The following FAR2 variants were observed in gnomAD, a reference collection of about 807,000 sequenced individuals.
FAR2 encodes the protein fatty acyl-CoA reductase 2, also known as epididymis secretory protein Li 81.
FAR2 carries 19 observed loss-of-function variants against 56.0 expected under a neutral mutation model. The ratio of observed to expected loss-of-function variants is 0.34; its 90% confidence interval spans 0.24 to 0.50. FAR2 has a LOEUF of 0.50. Among genes scored for constraint, FAR2 ranks in the 20% least tolerant of loss-of-function variants. The probability of loss-of-function intolerance (pLI) is 0.98; values close to 1 mark genes in which losing one functional copy is unlikely to be tolerated. For synonymous variants in FAR2, 219 were observed against 218.8 expected (o/e 1.00, Z -0.01); for missense variants, 508 against 642.2 (o/e 0.79, Z 2.26).
intron 1 of FAR2, among the ~76,000 whole-genome samples, chr12:29,221,827 G>C (rs1947695958): frequency 6.6e-6 from 1 of 152,088 alleles, no homozygotes; most frequent in Non-Finnish European, 1.5e-5. Flanking sequence ...ATGCTGCTCA[G>C]AGAATTGCTT....
At chr12:29,290,380 A>G (rs1037808968) in intron 2 of FAR2, among the ~76,000 whole-genome samples, 6 of 152,062 alleles carry the variant, frequency 3.9e-5, no homozygotes, top group African/African-American at 1.4e-4. Context: ...CAGAAGGTGA[A>G]GGTTGTAGTG....
At chr12:29,233,547 G>A (rs1947891776) in intron 1 of FAR2, among the ~76,000 whole-genome samples, 1 of 152,162 alleles carries the variant, frequency 6.6e-6, no homozygotes, top group Non-Finnish European at 1.5e-5. Context: ...TTGCCTGCAT[G>A]CATTTATTTG....
At chr12:29,298,565 G>C (rs1949109238) in intron 4 of FAR2, among the ~76,000 whole-genome samples, 1 of 152,158 alleles carries the variant, frequency 6.6e-6, no homozygotes, top group African/African-American at 2.4e-5. Context: ...GGAGGTTAAA[G>C]TTGCTAATAA....
chr12:29,171,444 C>T (rs1949884556), intron 1 of FAR2: 1 of 152,826 alleles, frequency 6.5e-6, no homozygotes, highest in Non-Finnish European at 1.5e-5. Context: ...GCACCTCTGC[C>T]CAGCTGCCAC....
intron 1 of FAR2, among the ~76,000 whole-genome samples, chr12:29,202,891 G>C (rs1298581042): frequency 1.3e-5 from 2 of 152,260 alleles, no homozygotes; most frequent in East Asian, 3.9e-4. Flanking sequence ...AAATTACCCA[G>C]TCTCGGGTAT....
rs528844441 is a variant in FAR2 at position 29,332,734 on chromosome 12, A to G, written c.1385+7A>G. 2 of 1,610,948 alleles carry G rather than the reference A, an allele frequency of 1.2e-6. No individual in the cohort carries two copies. The highest frequency in any genetic ancestry group is 3.3e-5 in the Admixed American group (2 of 59,770). The stretch of plus-strand genomic sequence containing the variant: ...CAAAGCAACGCTTAAAAAGGTAAGT[A>G]TAATCAGTCAGTTAATATTTATTGA... On this transcript the variant is annotated splice_region_variant and intron_variant, in intron 11 of 11. Transcript: ENST00000536681.
chr12:29,256,754 C>A (rs1419397231), intron 1 of FAR2, among the ~76,000 whole-genome samples: 6 of 152,190 alleles, frequency 3.9e-5, no homozygotes, highest in Admixed American at 3.9e-4. Context: ...GCCGGCCCTG[C>A]CAGCCCCGGC....
chr12:29,264,144 CAA>C (rs1948471976), intron 1 of FAR2, among the ~76,000 whole-genome samples: 1 of 152,024 alleles, frequency 6.6e-6, no homozygotes, highest in Non-Finnish European at 1.5e-5. Context: ...GGAATTTATC[CAA>C]GGGAGGCAAG....
At chr12:29,157,142 A>ATATATATATATATATG (rs1289279461) in intron 1 of FAR2, among the ~76,000 whole-genome samples, 11 of 137,776 alleles carry the variant, frequency 8.0e-5, no homozygotes, top group African/African-American at 2.7e-4. Context: ...ATATATATAT[A>ATATATATATATATATG]TATGTATCAA....
intron 1 of FAR2, among the ~76,000 whole-genome samples, chr12:29,223,425 C>G (rs1947722175): frequency 6.6e-6 from 1 of 152,176 alleles, no homozygotes; most frequent in African/African-American, 2.4e-5. Context: ...CTTTTAATCT[C>G]TAAAACATAG....
At chr12:29,167,830 CG>C (rs976943465) in intron 1 of FAR2, among the ~76,000 whole-genome samples, 35 of 152,064 alleles carry the variant, frequency 2.3e-4, no homozygotes, top group African/African-American at 8.2e-4. Flanking sequence ...AAATATATGA[CG>C]GTAAATTGCA....
chr12:29,177,208 C>G (rs1012122164), intron 1 of FAR2, among the ~76,000 whole-genome samples: 5 of 152,156 alleles, frequency 3.3e-5, no homozygotes, highest in African/African-American at 9.7e-5. Flanking sequence ...AACAAACACC[C>G]AGATTTTCAG....
intron 1 of FAR2, among the ~76,000 whole-genome samples, chr12:29,236,256 G>T (rs2194514): frequency 6.6e-6 from 1 of 152,132 alleles, no homozygotes; most frequent in Non-Finnish European, 1.5e-5. Context: ...ATGGCTAGTA[G>T]AAACAGATGC....
At chr12:29,219,878 A>G (rs1947665812) in intron 1 of FAR2, among the ~76,000 whole-genome samples, 2 of 152,140 alleles carry the variant, frequency 1.3e-5, no homozygotes, top group African/African-American at 4.8e-5. Flanking sequence ...AGGATGAAAA[A>G]TTGAATGAAA....
intron 1 of FAR2, among the ~76,000 whole-genome samples, chr12:29,168,338 A>G (rs948542449): frequency 1.2e-4 from 18 of 152,152 alleles, no homozygotes; most frequent in Non-Finnish European, 2.9e-5. Context: ...CCCTGATGAT[A>G]TTTCTGGTCA....
chr12:29,279,789 T>C (rs1336530160), intron 2 of FAR2, among the ~76,000 whole-genome samples: 1 of 152,200 alleles, frequency 6.6e-6, no homozygotes, highest in Non-Finnish European at 1.5e-5. Flanking sequence ...AGAGAGACCA[T>C]GGCCTAGTTA....
rs1947639720 is a variant in FAR2, at chr12:29,217,779, T to C, written c.-38-52633T>C. ...TGTTCCAGCATAAAATAAATAATTA[T>C]GACAGGAAACTGTGACCCATAGTCA... On this transcript the variant is annotated intron_variant, in intron 1 of 11. Coordinates refer to ENST00000536681, the MANE Select transcript of FAR2 (RefSeq NM_001271783.2). 2.6e-5 allele frequency among the ~76,000 whole-genome samples: 4 copies of C among 152,142 alleles called. 1 individual carries two copies.
At position 29,321,605 on chromosome 12, in the gene FAR2, C is replaced by A. The variant is rs916859832; in HGVS notation, c.1128-190C>A. ...CTAACAGAACAAGCTCCTTTAGATC[C>A]AGCCCTTTTCTTTTTCTGTTGAATG... is the stretch of plus-strand genomic sequence containing the variant. On this transcript the variant is annotated intron_variant, in intron 9 of 11. Transcript: ENST00000536681. 2.0e-5 allele frequency among the ~76,000 whole-genome samples: 3 copies of A among 152,112 alleles called. No homozygotes were observed. The East Asian group carries it at 5.8e-4, about 29-fold the overall frequency.
chr12:29,253,207 G>GATAGA lies in FAR2; in HGVS notation c.-38-17205_-38-17204insATAGA, dbSNP rs1565489252. Among the ~76,000 whole-genome samples, 39 of 84,028 alleles carry GATAGA rather than the reference G, an allele frequency of 4.6e-4. 5 individuals carry two copies. The highest frequency in any genetic ancestry group is 1.9e-3 in the African/African-American group (35 of 18,690). The allele number at this position is 84,028 out of a possible 152,430, so 55.1% of individuals were successfully genotyped here. A position where few individuals can be genotyped will look rare whatever the true frequency, so the allele number is the denominator to read the frequency against. The stretch of plus-strand genomic sequence containing the variant: ...TCTCTCTATCTATCTATCTAGATAG[G>GATAGA]TATCTATATATCGATATCTATCTAG... On this transcript the variant is annotated intron_variant, in intron 1 of 11. Transcript: ENST00000536681.
Sources: gnomAD v4.1 joint callset for allele counts (sites outside exome capture counted in the v4.1 genomes callset) on GRCh38, gnomAD v4.1.1 for gene constraint, MANE v1.5 for transcripts, NCBI Gene and HGNC (gene_info 2026-07-23, HGNC 2026-07-21) for gene names.